Variants in CSMD1 observed in about 807,000 individuals in gnomAD.
The protein encoded by CSMD1 is CUB and Sushi multiple domains 1, also known as CUB and sushi domain-containing protein 1.
In CSMD1, 213 loss-of-function variants were observed where a neutral mutation model predicts 417.5. The observed-to-expected ratio is 0.51, with a 90% CI of 0.46 to 0.57. The LOEUF is 0.57. Ranked by LOEUF, CSMD1 falls within the 20% of genes least tolerant of loss-of-function variation. The pLI is 0.00. For missense variants in CSMD1, 6,923 were observed against 4,529.7 expected, an observed-to-expected ratio of 1.53 and a Z score of -15.17; for synonymous variants, 2,862 against 1,736.8, an observed-to-expected ratio of 1.65 and a Z score of -16.11.
At chr8:3,383,442 C>A (rs1444509186) in intron 18 of CSMD1, among the ~76,000 whole-genome samples, 1 of 151,662 alleles carries the variant, frequency 6.6e-6, no homozygotes, top group African/African-American at 2.4e-5. Flanking sequence ...TGGAGGGAAG[C>A]CTTCTTCCAC....
At chr8:4,356,750 G>A (rs181007171) in intron 3 of CSMD1, among the ~76,000 whole-genome samples, 46 of 152,162 alleles carry the variant, frequency 3.0e-4, no homozygotes, top group African/African-American at 6.0e-4. Context: ...TTCTCCGGCC[G>A]TGAATGACTG....
intron 1 of CSMD1, among the ~76,000 whole-genome samples, chr8:4,739,594 T>C (rs986005308): frequency 6.6e-6 from 1 of 152,180 alleles, no homozygotes; most frequent in Admixed American, 6.5e-5. Flanking sequence ...AGGTCTCCTT[T>C]GGGTCCGAGA....
At chr8:4,055,483 G>A (rs879551126) in intron 3 of CSMD1, among the ~76,000 whole-genome samples, 14 of 151,768 alleles carry the variant, frequency 9.2e-5, no homozygotes, top group African/African-American at 1.5e-4. Context: ...AAATACATAT[G>A]TAAAGCATTT....
At chr8:4,657,478 G>A (rs1012516966) in intron 1 of CSMD1, among the ~76,000 whole-genome samples, 11 of 151,890 alleles carry the variant, frequency 7.2e-5, no homozygotes, top group African/African-American at 1.9e-4. Context: ...CTGTCAAAAC[G>A]CTGTTTAAAC....
intron 5 of CSMD1, among the ~76,000 whole-genome samples, chr8:3,992,646 G>C (rs528519029): frequency 8.5e-5 from 13 of 152,156 alleles, no homozygotes; most frequent in Admixed American, 3.9e-4. Context: ...AATTAGCCAG[G>C]GTTCTGCACC....
chr8:4,226,554 C>A (rs952725372), intron 3 of CSMD1, among the ~76,000 whole-genome samples: 1 of 152,046 alleles, frequency 6.6e-6, no homozygotes, highest in Admixed American at 6.5e-5. Context: ...ATCATGGATA[C>A]CATAAGTTGA....
At chr8:3,991,549 T>G (rs138931304) in intron 5 of CSMD1, among the ~76,000 whole-genome samples, 22 of 152,122 alleles carry the variant, frequency 1.4e-4, no homozygotes, top group African/African-American at 4.6e-4. Context: ...TACTGTCTAG[T>G]GAATAATGCT....
chr8:3,869,197 T>C (rs1019652021), intron 5 of CSMD1, among the ~76,000 whole-genome samples: 2 of 152,156 alleles, frequency 1.3e-5, no homozygotes, highest in African/African-American at 4.8e-5. Context: ...GCTTCTGCAC[T>C]AGGCCCTCCA....
chr8:4,172,571 G>T (rs545474785), intron 3 of CSMD1, among the ~76,000 whole-genome samples: 79 of 152,064 alleles, frequency 5.2e-4, no homozygotes, highest in African/African-American at 1.8e-3. Flanking sequence ...CACAAATCCA[G>T]AACTGTATAT....
chr8:4,767,383 T>C (rs1014477745), intron 1 of CSMD1, among the ~76,000 whole-genome samples: 2 of 152,196 alleles, frequency 1.3e-5, no homozygotes, highest in East Asian at 1.9e-4. Flanking sequence ...ACATAATCCC[T>C]TTCTTTTTAT....
At chr8:4,243,852 CTG>C (rs1802543623) in intron 3 of CSMD1, among the ~76,000 whole-genome samples, 1 of 152,130 alleles carries the variant, frequency 6.6e-6, no homozygotes, top group African/African-American at 2.4e-5. Flanking sequence ...AGAGTAGGGA[CTG>C]TGTTATTGCC....
intron 3 of CSMD1, among the ~76,000 whole-genome samples, chr8:4,255,673 C>A (rs945213227): frequency 6.6e-6 from 1 of 152,158 alleles, no homozygotes; most frequent in Non-Finnish European, 1.5e-5. Flanking sequence ...ATATGTATTA[C>A]GTGAAGAGTT....
At chr8:4,199,115 C>T (rs1191321968) in intron 3 of CSMD1, among the ~76,000 whole-genome samples, 6 of 152,112 alleles carry the variant, frequency 3.9e-5, no homozygotes, top group Non-Finnish European at 5.9e-5. Flanking sequence ...TTCTGCTGTC[C>T]GTAAAGTTCT....
At position 3,029,433 on chromosome 8, in the gene CSMD1, C is replaced by G; in HGVS notation, c.7741G>C (p.Gly2581Arg). The G allele has an allele frequency of 6.2e-7, 1 of 1,610,320 alleles. No homozygotes were observed. The highest frequency in any genetic ancestry group is 1.1e-5 in the South Asian group (1 of 90,216). The change falls in exon 51 of 70, where the codon GGT (glycine) becomes CGT (arginine). Residue 2581 changes from glycine to arginine, a missense_variant. By Grantham distance (125) the Gly-to-Arg change is moderately radical (BLOSUM62 -2). Coordinates refer to ENST00000635120, the MANE Select transcript of CSMD1 (RefSeq NM_033225.6). ...CTGCAGCTCAGCAATACTTGAGCAC[C>G]GTACTCATTCAAGGATCCTGAAACC... ...RLVSGSLNEY[G>R]AQVLLSCSPG...
chr8:4,875,228 A>G (rs992029962), intron 1 of CSMD1, among the ~76,000 whole-genome samples: 2 of 152,036 alleles, frequency 1.3e-5, no homozygotes, highest in African/African-American at 4.8e-5. Flanking sequence ...GAAAATAAGC[A>G]TGAGAATTAT....
intron 3 of CSMD1, among the ~76,000 whole-genome samples, chr8:4,165,317 G>C (rs905131834): frequency 1.3e-5 from 2 of 152,220 alleles, no homozygotes; most frequent in Admixed American, 1.3e-4. Flanking sequence ...GGGTATCTCA[G>C]CTGTAGAAGC....
chr8:4,062,114 G>A (rs1799003604), intron 3 of CSMD1, among the ~76,000 whole-genome samples: 1 of 152,036 alleles, frequency 6.6e-6, no homozygotes, highest in Admixed American at 6.6e-5. Flanking sequence ...ATGCATGGAG[G>A]GTCAGCAGAG....
chr8:3,636,515 C>G (rs1336658813), intron 7 of CSMD1, among the ~76,000 whole-genome samples: 1 of 152,176 alleles, frequency 6.6e-6, no homozygotes, highest in East Asian at 1.9e-4. Context: ...CTAAGCCAGT[C>G]AAACCCCTTT....
intron 54 of CSMD1, among the ~76,000 whole-genome samples, chr8:2,979,173 A>C (rs1334168707): frequency 6.6e-6 from 1 of 152,212 alleles, no homozygotes; most frequent in Admixed American, 6.5e-5. Flanking sequence ...GTGTTTTAGA[A>C]CAGTCTGTGG....
Sources: allele counts gnomAD v4.1 joint callset (sites outside exome capture counted in the v4.1 genomes callset), GRCh38; gene constraint gnomAD v4.1.1; transcripts MANE v1.5; gene names NCBI Gene and HGNC (gene_info 2026-07-23, HGNC 2026-07-21).